SGCZ: variants seen among roughly 807,000 people sequenced by gnomAD.
SGCZ encodes the protein sarcoglycan zeta.
In SGCZ, 40 loss-of-function variants were observed where a neutral mutation model predicts 41.3. The ratio of observed to expected loss-of-function variants is 0.97; its 90% CI spans 0.75 to 1.26. The LOEUF is 1.26. Among genes scored for constraint, SGCZ ranks in the 50% most tolerant of loss-of-function variants. The probability of loss-of-function intolerance (pLI) is 0.00; values close to 1 mark genes in which losing one functional copy is unlikely to be tolerated. For synonymous variants in SGCZ, 206 were observed against 137.5 expected, an observed-to-expected ratio of 1.50 and a Z score of -3.49; for missense variants, 552 against 369.8, an observed-to-expected ratio of 1.49 and a Z score of -4.04.
intron 3 of SGCZ, among the ~76,000 whole-genome samples, chr8:14,292,744 T>G (rs992260535): frequency 6.6e-5 from 10 of 151,998 alleles, no homozygotes; most frequent in African/African-American, 2.2e-4. Flanking sequence ...GGGCCTCAAT[T>G]CTTCATCAAC....
chr8:15,221,663 C>T (rs1010304734), intron 1 of SGCZ, among the ~76,000 whole-genome samples: 2 of 152,038 alleles, frequency 1.3e-5, no homozygotes, highest in Non-Finnish European at 2.9e-5. Flanking sequence ...AGGAAGAATC[C>T]CGAGATGCTG....
At chr8:14,938,130 C>G (rs556451161) in intron 1 of SGCZ, among the ~76,000 whole-genome samples, 1 of 152,044 alleles carries the variant, frequency 6.6e-6, no homozygotes, top group African/African-American at 2.4e-5. Flanking sequence ...GTGTTGTTCA[C>G]TGTTTTATAT....
chr8:14,653,504 C>T (rs1052746064), intron 1 of SGCZ, among the ~76,000 whole-genome samples: 3 of 152,076 alleles, frequency 2.0e-5, no homozygotes, highest in East Asian at 1.9e-4. Flanking sequence ...TATTCAGTAG[C>T]GCTGCATTAC....
chr8:14,805,956 T>C (rs1237770646), intron 1 of SGCZ, among the ~76,000 whole-genome samples: 1 of 150,266 alleles, frequency 6.7e-6, no homozygotes, highest in Non-Finnish European at 1.5e-5. Flanking sequence ...ACATGGAAAC[T>C]GAACAACCTG....
intron 1 of SGCZ, among the ~76,000 whole-genome samples, chr8:14,689,008 T>A (rs1808712320): frequency 6.6e-6 from 1 of 152,038 alleles, no homozygotes; most frequent in Admixed American, 6.6e-5. Flanking sequence ...AAAATATATT[T>A]AAAAAAAATT....
Position 14,890,101 on chromosome 8 carries a change from C to G in SGCZ, c.40-335175G>C, listed in dbSNP as rs181841445. 4.2e-4 allele frequency among the ~76,000 whole-genome samples: 64 copies of G among 152,132 alleles called. 1 individual carries two copies. The East Asian group carries it at 0.011, about 26-fold the overall frequency. ...GCATGGTCGTGGGCACCCATAGTCC[C>G]AGCTACTCGGGAGGCTGAGGCAGGT... On this transcript the variant is annotated intron_variant, in intron 1 of 7. Transcript: ENST00000382080.
At chr8:14,910,359 G>A (rs17120577) in intron 1 of SGCZ, among the ~76,000 whole-genome samples, 8,426 of 151,856 alleles carry the variant, frequency 0.055, 520 homozygotes, top group African/African-American at 0.14. Context: ...AATACATAAG[G>A]ACACCAGGAA....
At chr8:14,529,785 C>T in intron 2 of SGCZ, among the ~76,000 whole-genome samples, 1 of 152,056 alleles carries the variant, frequency 6.6e-6, no homozygotes, top group Non-Finnish European at 1.5e-5. Context: ...CCTTGATAAA[C>T]TCTTTTGACT....
chr8:14,928,222 T>G (rs1038517327), intron 1 of SGCZ, among the ~76,000 whole-genome samples: 1 of 152,206 alleles, frequency 6.6e-6, no homozygotes, highest in Non-Finnish European at 1.5e-5. Context: ...GAATGAAGAC[T>G]GATTACATAA....
chr8:15,164,170 G>A (rs931064590), intron 1 of SGCZ, among the ~76,000 whole-genome samples: 1 of 152,204 alleles, frequency 6.6e-6, no homozygotes, highest in Admixed American at 6.5e-5. Context: ...GTCTTCAGCT[G>A]AACTAAGGAA....
chr8:14,832,753 A>C (rs1802575897), intron 1 of SGCZ, among the ~76,000 whole-genome samples: 1 of 152,130 alleles, frequency 6.6e-6, no homozygotes. Context: ...TTTCCTATGA[A>C]TATTAGGCTC....
At chr8:15,224,406 G>C (rs1367138718) in intron 1 of SGCZ, among the ~76,000 whole-genome samples, 1 of 151,386 alleles carries the variant, frequency 6.6e-6, no homozygotes, top group East Asian at 2.0e-4. Context: ...GAAAATACCT[G>C]TTCATCTAAA....
intron 2 of SGCZ, among the ~76,000 whole-genome samples, chr8:14,398,570 G>A (rs537550359): frequency 3.9e-5 from 6 of 152,146 alleles, no homozygotes; most frequent in Non-Finnish European, 8.8e-5. Flanking sequence ...AGCTGTCCTG[G>A]ACACACTTCC....
intron 2 of SGCZ, among the ~76,000 whole-genome samples, chr8:14,495,307 A>G (rs929704204): frequency 6.6e-6 from 1 of 152,186 alleles, no homozygotes; most frequent in Admixed American, 6.5e-5. Context: ...AAATCAATAC[A>G]TTACTTCTTT....
intron 2 of SGCZ, among the ~76,000 whole-genome samples, chr8:14,489,897 C>A (rs573182497): frequency 1.0e-4 from 13 of 124,212 alleles, no homozygotes; most frequent in Non-Finnish European, 1.5e-4. Flanking sequence ...GATGGAGTCT[C>A]GCTCTGTCGC....
chr8:14,465,645 C>G (rs1801027327), intron 2 of SGCZ, among the ~76,000 whole-genome samples: 1 of 151,382 alleles, frequency 6.6e-6, no homozygotes, highest in Non-Finnish European at 1.5e-5. Context: ...ATCTCATTTT[C>G]TTTCATGTAC....
chr8:15,097,815 CGTGTGTGTATATATATATACGT>C (rs71211004), intron 1 of SGCZ, among the ~76,000 whole-genome samples: 16,506 of 74,038 alleles, frequency 0.22, 1,972 homozygotes, highest in Non-Finnish European at 0.32. Flanking sequence ...TATATATATA[CGTGTGTGTATATATATATACGT>C]GTGTGTATAT....
intron 1 of SGCZ, among the ~76,000 whole-genome samples, chr8:14,851,264 G>A (rs1803310886): frequency 6.7e-6 from 1 of 149,220 alleles, no homozygotes; most frequent in African/African-American, 2.5e-5. Flanking sequence ...TGCTACTTGG[G>A]AGGCTGAGGT....
chr8:14,906,619 G>C (rs1183491044), intron 1 of SGCZ, among the ~76,000 whole-genome samples: 1 of 152,068 alleles, frequency 6.6e-6, no homozygotes. Flanking sequence ...AAATCACTTT[G>C]GTATTTGTAC....
Sources: gnomAD v4.1 joint callset for allele counts (sites outside exome capture counted in the v4.1 genomes callset) on GRCh38, gnomAD v4.1.1 for gene constraint, MANE v1.5 for transcripts, NCBI Gene and HGNC (gene_info 2026-07-23, HGNC 2026-07-21) for gene names.